CHSY1: variants seen among roughly 807,000 people sequenced by gnomAD.
The protein encoded by CHSY1 is chondroitin sulfate synthase 1, also known as N-acetylgalactosaminyl-proteoglycan 3-beta-glucuronosyltransferase 1.
A neutral mutation model predicts 59.8 loss-of-function variants in CHSY1; 13 were observed. That is an observed-to-expected ratio of 0.22 (90% CI 0.14 to 0.35). CHSY1 has a LOEUF of 0.35. Among genes scored for constraint, CHSY1 ranks in the 10% least tolerant of loss-of-function variants. The pLI is 1.00. For synonymous variants in CHSY1, 459 were observed against 401.2 expected, an observed-to-expected ratio of 1.14 and a Z score of -1.72; for missense variants, 947 against 1,030.6, an observed-to-expected ratio of 0.92 and a Z score of 1.11.
At chr15:101,179,921 T>C (rs2141237568) in intron 2 of CHSY1, among the ~76,000 whole-genome samples, 1 of 152,376 alleles carries the variant, frequency 6.6e-6, no homozygotes, top group East Asian at 1.9e-4. Flanking sequence ...TTACAAAGCA[T>C]GTTGGAATGC....
chr15:101,248,215 AGCTCAGTGTGGACTTTTGGTCTGG>A (rs2039070077), intron 1 of CHSY1, among the ~76,000 whole-genome samples: 1 of 152,192 alleles, frequency 6.6e-6, no homozygotes, highest in African/African-American at 2.4e-5. Flanking sequence ...CCAATTTAAG[AGCTCAGTGTGGACTTTTGGTCTGG>A]GCTGCAAAGC....
intron 2 of CHSY1, among the ~76,000 whole-genome samples, chr15:101,188,909 TG>T (rs2038406504): frequency 6.6e-6 from 1 of 152,162 alleles, no homozygotes; most frequent in East Asian, 1.9e-4. Context: ...ACATCTGATC[TG>T]GGGCAATCAG....
At position 101,176,968 on chromosome 15, in the gene CHSY1, A is replaced by G. The variant is rs2038197656; in HGVS notation, c.*420T>C. 1 of 159,098 alleles carries G rather than the reference A, an allele frequency of 6.3e-6. No individual in the cohort carries two copies. Among genetic ancestry groups the G allele is most frequent in the African/African-American group, 2.5e-5 (1 of 39,596 alleles). 9.9% of individuals were successfully genotyped at this position (159,098 alleles called of 1,614,324 possible). ...ATGAAATGGCTTTAAAACAATTGTAAAAAAAAAAAACAAAACACAAAAGGT... is the reference window on the plus strand; with the variant it reads ...ATGAAATGGCTTTAAAACAATTGTAGAAAAAAAAAACAAAACACAAAAGGT... On this transcript the variant is annotated 3_prime_UTR_variant, in exon 3 of 3. Transcript: ENST00000254190.
At chr15:101,206,474 G>A (rs997100641) in intron 2 of CHSY1, among the ~76,000 whole-genome samples, 5 of 152,066 alleles carry the variant, frequency 3.3e-5, no homozygotes, top group Non-Finnish European at 7.4e-5. Context: ...GGCTCTGAAG[G>A]CGGTGACGTG....
chr15:101,225,644 C>T (rs2038833941), intron 2 of CHSY1, among the ~76,000 whole-genome samples: 1 of 152,224 alleles, frequency 6.6e-6, no homozygotes, highest in South Asian at 2.1e-4. Context: ...TGTGAGATGT[C>T]GACTCCCGCT....
intron 2 of CHSY1, chr15:101,187,936 T>C: frequency 1.3e-6 from 1 of 764,476 alleles, no homozygotes; most frequent in Non-Finnish European, 1.6e-6. Flanking sequence ...CAGGAACTTC[T>C]AGCCCAGCTG....
chr15:101,239,588 T>C (rs1481172122), intron 1 of CHSY1, among the ~76,000 whole-genome samples: 1 of 152,222 alleles, frequency 6.6e-6, no homozygotes, highest in Non-Finnish European at 1.5e-5. Flanking sequence ...AAGTATGACT[T>C]ATTATTAAGG....
chr15:101,179,379 T>G (rs181528285), intron 2 of CHSY1, among the ~76,000 whole-genome samples: 1 of 152,330 alleles, frequency 6.6e-6, no homozygotes, highest in East Asian at 1.9e-4. Flanking sequence ...TAGCAGATCC[T>G]GCGGCTTCTA....
chr15:101,215,749 G>T (rs907201531), intron 2 of CHSY1, among the ~76,000 whole-genome samples: 7 of 152,226 alleles, frequency 4.6e-5, no homozygotes, highest in African/African-American at 1.7e-4. Flanking sequence ...CATCAGATAC[G>T]AATTCATCAA....
At chr15:101,211,427 A>G (rs2038681730) in intron 2 of CHSY1, among the ~76,000 whole-genome samples, 1 of 152,232 alleles carries the variant, frequency 6.6e-6, no homozygotes, top group African/African-American at 2.4e-5. Flanking sequence ...CAGAGATCTT[A>G]GAGTGAAAAA....
At chr15:101,203,134 G>A (rs1260968401) in intron 2 of CHSY1, among the ~76,000 whole-genome samples, 1 of 152,170 alleles carries the variant, frequency 6.6e-6, no homozygotes, top group African/African-American at 2.4e-5. Flanking sequence ...CTAAAGCCAA[G>A]CTTTAAAGTA....
intron 1 of CHSY1, among the ~76,000 whole-genome samples, chr15:101,239,087 CT>C (rs937356153): frequency 1.3e-5 from 2 of 152,190 alleles, no homozygotes; most frequent in African/African-American, 4.8e-5. Context: ...CGAGGAGCCC[CT>C]GATAATGCTC....
intron 2 of CHSY1, among the ~76,000 whole-genome samples, chr15:101,199,163 G>A (rs2038542553): frequency 6.6e-6 from 1 of 152,140 alleles, no homozygotes; most frequent in Non-Finnish European, 1.5e-5. Context: ...TGTGGACACT[G>A]CGCCTCCAGC....
At chr15:101,241,670 G>C (rs900185297) in intron 1 of CHSY1, among the ~76,000 whole-genome samples, 1 of 152,148 alleles carries the variant, frequency 6.6e-6, no homozygotes, top group Non-Finnish European at 1.5e-5. Flanking sequence ...GAGATTTTCT[G>C]TGAGTTCCCC....
intron 1 of CHSY1, among the ~76,000 whole-genome samples, chr15:101,241,885 CT>C (rs1190028344): frequency 3.9e-5 from 6 of 152,178 alleles, no homozygotes; most frequent in Non-Finnish European, 8.8e-5. Context: ...TCCACAGACG[CT>C]TTAGTCCCTG....
intron 2 of CHSY1, among the ~76,000 whole-genome samples, chr15:101,180,944 T>C (rs1334109834): frequency 6.6e-6 from 1 of 152,192 alleles, no homozygotes; most frequent in East Asian, 1.9e-4. Flanking sequence ...GCAAATGTCA[T>C]GTGGGGACTC....
chr15:101,207,655 T>C (rs555903446), intron 2 of CHSY1, among the ~76,000 whole-genome samples: 7 of 152,076 alleles, frequency 4.6e-5, no homozygotes, highest in Admixed American at 6.5e-5. Context: ...TCAAAGAAAA[T>C]AGATCTTCCA....
At chr15:101,226,333 T>C (rs1450298252) in intron 2 of CHSY1, among the ~76,000 whole-genome samples, 2 of 152,196 alleles carry the variant, frequency 1.3e-5, no homozygotes, top group Non-Finnish European at 2.9e-5. Context: ...ATAGGTAACA[T>C]GCATCAACTC....
At chr15:101,219,797 G>A (rs1036419680) in intron 2 of CHSY1, among the ~76,000 whole-genome samples, 8 of 152,218 alleles carry the variant, frequency 5.3e-5, no homozygotes, top group Middle Eastern at 6.8e-3. Context: ...ATGGAGTTTC[G>A]CTCGTTTTGC....
Sources: allele counts gnomAD v4.1 joint callset (sites outside exome capture counted in the v4.1 genomes callset), GRCh38; gene constraint gnomAD v4.1.1; transcripts MANE v1.5; gene names NCBI Gene and HGNC (gene_info 2026-07-23, HGNC 2026-07-21).